The following CKAP5 variants were observed in gnomAD, a reference collection of about 807,000 sequenced individuals.
CKAP5 encodes the protein cytoskeleton-associated protein 5.
Under a neutral mutation model 232.8 loss-of-function variants are expected in CKAP5, and 27 were observed. The ratio of observed to expected loss-of-function variants is 0.12; its 90% CI spans 0.09 to 0.16. The LOEUF (loss-of-function observed/expected upper bound fraction) is 0.16, where lower values mean the gene tolerates loss of function less well. CKAP5 is among the 10% of genes least tolerant of loss of function. The pLI is 1.00. For synonymous variants in CKAP5, 785 were observed against 841.1 expected, an observed-to-expected ratio of 0.93 and a Z score of 1.16; for missense variants, 1,838 against 2,424.7, an observed-to-expected ratio of 0.76 and a Z score of 5.08.
chr11:46,816,489 T>G, intron 3 of CKAP5, 85 bp from the exon 4 acceptor site: 1 of 922,458 alleles, frequency 1.1e-6, no homozygotes, highest in African/African-American at 1.7e-5. Context: ...ACTAGTACTT[T>G]TACAAATGCT....
Position 46,751,436 on chromosome 11 carries a change from G to A in CKAP5, c.5232C>T (p.Pro1744=). 3.7e-6 allele frequency: 6 copies of A among 1,614,010 alleles called. No homozygotes were observed. The highest frequency in any genetic ancestry group is 5.1e-6 in the Non-Finnish European group (6 of 1,179,956). The change falls in exon 39 of 44, where the codon CCC becomes CCT. Residue 1744 remains proline (P), a synonymous_variant. Coordinates refer to ENST00000529230, the MANE Select transcript of CKAP5 (RefSeq NM_001008938.4). ...TTTTGCATTGCTTCAGTTTCTCTTT[G>A]GGGAAGACCTTCATGAAAATGTGGA... ...LDIHIFMKVF[P]KEKLKQCKSE... is the part of the protein sequence containing the mutation.
At chr11:46,759,149 T>C in intron 34 of CKAP5, 106 bp from the exon 35 acceptor site, 1 of 1,506,306 alleles carries the variant, frequency 6.6e-7, no homozygotes, top group South Asian at 1.3e-5. Context: ...TAACAACTGC[T>C]ATCATTCAAA....
intron 8 of CKAP5, among the ~76,000 whole-genome samples, chr11:46,803,202 T>G (rs1939074852): frequency 1.3e-5 from 2 of 151,984 alleles, no homozygotes; most frequent in South Asian, 4.2e-4. Flanking sequence ...AGGCGGAGGT[T>G]GCAGTGAGCC....
At chr11:46,758,198 A>G (rs2065125360) in intron 35 of CKAP5, among the ~76,000 whole-genome samples, 1 of 152,076 alleles carries the variant, frequency 6.6e-6, no homozygotes, top group Non-Finnish European at 1.5e-5. Flanking sequence ...GTCCCCCTTT[A>G]ACACTATGCT....
chr11:46,765,325 C>CTTTT, intron 27 of CKAP5, 69 bp from the exon 28 acceptor site: 1 of 1,371,454 alleles, frequency 7.3e-7, no homozygotes, highest in Non-Finnish European at 9.8e-7. Flanking sequence ...TGCTGCTGCC[C>CTTTT]AGTAAAAGGG....
intron 8 of CKAP5, 140 bp downstream of exon 8, chr11:46,807,891 A>G (rs1296477741): frequency 3.6e-6 from 2 of 562,624 alleles, no homozygotes; most frequent in African/African-American, 3.8e-5. Flanking sequence ...ACAACCCTTT[A>G]AAAATGTATG....
At chr11:46,829,833 T>TG (rs1939736060) in intron 1 of CKAP5, among the ~76,000 whole-genome samples, 4 of 107,004 alleles carry the variant, frequency 3.7e-5, no homozygotes, top group Admixed American at 1.1e-4. Flanking sequence ...TAATTCCTTT[T>TG]TTGTATGTGT....
At chr11:46,769,565 G>A (rs985528307) in intron 26 of CKAP5, among the ~76,000 whole-genome samples, 4 of 151,926 alleles carry the variant, frequency 2.6e-5, no homozygotes, top group South Asian at 4.1e-4. Context: ...GTGTGATGGC[G>A]CATGCCTGTA....
chr11:46,762,069 A>C lies in CKAP5; in HGVS notation c.4152T>G (p.Asn1384Lys). The C allele has an allele frequency of 6.2e-7, 1 of 1,614,182 alleles. No homozygotes were observed. The highest frequency in any genetic ancestry group is 8.5e-7 in the Non-Finnish European group (1 of 1,180,000). ...HIGDRDNAVRNAALNTIVTVY... is the reference protein window; with the variant it reads ...HIGDRDNAVRKAALNTIVTVY... Reference sequence around the variant, plus strand: ...CCGTTACAATGGTGTTGAGTGCAGCATTGCGTACAGCATTGTCACGGTCTC... The same window carrying C: ...CCGTTACAATGGTGTTGAGTGCAGCCTTGCGTACAGCATTGTCACGGTCTC... Residue 1384 changes from asparagine (N) to lysine (K), a missense_variant, in exon 32 of 44, where the codon AAT becomes AAG. Asn to Lys is a moderately conservative substitution (Grantham distance 94, BLOSUM62 0). Transcript: ENST00000529230.
At chr11:46,787,109 G>A (rs981556882) in intron 16 of CKAP5, among the ~76,000 whole-genome samples, 5 of 152,082 alleles carry the variant, frequency 3.3e-5, no homozygotes, top group African/African-American at 9.7e-5. Context: ...AGTGAGCCAC[G>A]TTTGCACCAC....
chr11:46,749,844 G>A (rs1348065857), intron 42 of CKAP5, among the ~76,000 whole-genome samples: 4 of 151,114 alleles, frequency 2.6e-5, no homozygotes, highest in African/African-American at 7.3e-5. Flanking sequence ...CCAGCTACTC[G>A]GGAGGCTGAG....
chr11:46,749,482 T>G (rs2065046717), intron 42 of CKAP5, among the ~76,000 whole-genome samples: 1 of 144,648 alleles, frequency 6.9e-6, no homozygotes, highest in African/African-American at 2.6e-5. Flanking sequence ...AAAAAAAATC[T>G]ATTTGAAACC....
At chr11:46,764,873 T>TA (rs36077173) in intron 28 of CKAP5, among the ~76,000 whole-genome samples, 728 of 151,480 alleles carry the variant, frequency 4.8e-3, no homozygotes, top group African/African-American at 8.6e-3. Flanking sequence ...TCCAATTAAT[T>TA]AAAAAAAAAA....
intron 1 of CKAP5, among the ~76,000 whole-genome samples, chr11:46,831,876 T>TC (rs1313290833): frequency 5.3e-5 from 8 of 150,332 alleles, no homozygotes; most frequent in Non-Finnish European, 8.9e-5. Flanking sequence ...TTTTTTTTTT[T>TC]TTTTCTGAGA....
At chr11:46,769,482 G>A (rs966535785) in intron 26 of CKAP5, among the ~76,000 whole-genome samples, 1 of 152,100 alleles carries the variant, frequency 6.6e-6, no homozygotes, top group Non-Finnish European at 1.5e-5. Flanking sequence ...GATCGCCTGA[G>A]GCCAGGAGTT....
intron 1 of CKAP5, among the ~76,000 whole-genome samples, chr11:46,822,190 A>G (rs960736908): frequency 6.6e-5 from 10 of 152,140 alleles, no homozygotes; most frequent in Non-Finnish European, 1.3e-4. Context: ...CTGAGGTGGG[A>G]GGACTACTTG....
At chr11:46,763,700 A>G (rs1250031574) in intron 28 of CKAP5, 70 bp from the exon 29 acceptor site, 2 of 968,716 alleles carry the variant, frequency 2.1e-6, no homozygotes, top group Non-Finnish European at 2.8e-6. Flanking sequence ...GCCTTATATA[A>G]TGCAGCTGCA....
intron 8 of CKAP5, 60 bp downstream of exon 8, chr11:46,807,971 T>G: frequency 3.1e-5 from 36 of 1,165,320 alleles, no homozygotes; most frequent in Non-Finnish European, 4.3e-5. Flanking sequence ...AGATGACTGA[T>G]GAGAAATTCA....
At chr11:46,820,435 TA>T (rs1939500165) in intron 2 of CKAP5, among the ~76,000 whole-genome samples, 1 of 152,170 alleles carries the variant, frequency 6.6e-6, no homozygotes, top group African/African-American at 2.4e-5. Context: ...TAGTATATTT[TA>T]TTCAGTATTT....
Sources: allele counts gnomAD v4.1 joint callset (sites outside exome capture counted in the v4.1 genomes callset), GRCh38; gene constraint gnomAD v4.1.1; transcripts MANE v1.5; gene names NCBI Gene and HGNC (gene_info 2026-07-23, HGNC 2026-07-21).